The following SYN3 variants were observed in gnomAD, a reference collection of about 807,000 sequenced individuals.
SYN3 encodes the protein synapsin III.
In SYN3, 35 loss-of-function variants were observed where a neutral mutation model predicts 65.8. That is an observed-to-expected ratio of 0.53 (90% CI 0.41 to 0.70). The LOEUF (loss-of-function observed/expected upper bound fraction) is 0.70. Among genes scored for constraint, SYN3 ranks in the 30% least tolerant of loss-of-function variants. The pLI, the probability that SYN3 is intolerant of heterozygous loss-of-function variation, is 0.00. For missense variants in SYN3, 680 were observed against 749.0 expected (o/e 0.91, Z 1.08); for synonymous variants, 270 against 292.9 (o/e 0.92, Z 0.80).
At chr22:32,677,055 C>T (rs2060455821) in intron 6 of SYN3, among the ~76,000 whole-genome samples, 1 of 152,200 alleles carries the variant, frequency 6.6e-6, no homozygotes, top group East Asian at 1.9e-4. Context: ...TGCAATTAAA[C>T]TCAACACATA....
intron 10 of SYN3, among the ~76,000 whole-genome samples, chr22:32,532,771 C>G (rs2058098374): frequency 1.3e-5 from 2 of 152,196 alleles, no homozygotes; most frequent in Admixed American, 1.3e-4. Context: ...CAGCCATGTG[C>G]TTCCCATTAG....
chr22:32,747,881 G>A (rs563626588), intron 6 of SYN3, among the ~76,000 whole-genome samples: 58 of 152,340 alleles, frequency 3.8e-4, no homozygotes, highest in African/African-American at 1.4e-3. Flanking sequence ...GGCTTGGTCA[G>A]TACAGGTACA....
chr22:32,583,015 C>A (rs1019960749), intron 7 of SYN3, among the ~76,000 whole-genome samples: 1 of 152,188 alleles, frequency 6.6e-6, no homozygotes, highest in South Asian at 2.1e-4. Flanking sequence ...TCCAGCTTCA[C>A]CCCTGGAGGA....
chr22:32,925,713 C>T (rs367854748), intron 4 of SYN3, among the ~76,000 whole-genome samples: 37 of 152,184 alleles, frequency 2.4e-4, no homozygotes, highest in South Asian at 1.7e-3. Flanking sequence ...ACTAGAATCA[C>T]GAGGGGAGCT....
intron 7 of SYN3, among the ~76,000 whole-genome samples, chr22:32,550,364 TAAA>T (rs34370251): frequency 9.8e-4 from 141 of 144,568 alleles, no homozygotes; most frequent in African/African-American, 1.6e-3. Flanking sequence ...TTAACCACAT[TAAA>T]AAAAAAAAAA....
At chr22:32,569,563 C>CTGTATATATATATA (rs373627613) in intron 7 of SYN3, among the ~76,000 whole-genome samples, 1 of 52,880 alleles carries the variant, frequency 1.9e-5, no homozygotes, top group African/African-American at 5.8e-5. Flanking sequence ...CTCTCTCTCT[C>CTGTATATATATATA]TCTCTCTCTA....
chr22:32,523,296 A>G (rs1307334263), intron 12 of SYN3, among the ~76,000 whole-genome samples: 1 of 152,176 alleles, frequency 6.6e-6, no homozygotes, highest in Admixed American at 6.6e-5. Context: ...GCGGATCACA[A>G]GGTCAGCAGA....
intron 4 of SYN3, among the ~76,000 whole-genome samples, chr22:32,890,627 G>A (rs562679061): frequency 4.6e-5 from 7 of 151,636 alleles, no homozygotes; most frequent in South Asian, 4.2e-4. Context: ...TGATCTGCCC[G>A]CCTCGGCCTC....
chr22:32,869,689 GGTTTTTT>G (rs1382293534), intron 4 of SYN3, among the ~76,000 whole-genome samples: 1 of 118,448 alleles, frequency 8.4e-6, no homozygotes, highest in African/African-American at 3.3e-5. Context: ...AACACATCTT[GGTTTTTT>G]TTTTTTTTTT....
rs954085778 is a variant in SYN3, at chr22:32,967,121, G to A, written c.369+13524C>T. Among the ~76,000 whole-genome samples the A allele has an allele frequency of 3.3e-5, 5 of 152,188 alleles. 1 individual carries two copies. In the South Asian group the frequency reaches 8.3e-4, roughly 25 times the overall value. ...CTAATCCATATGAAATGCTTAGCGT[G>A]TGCCTGACACTTAGTAAGCATGTGA... is the stretch of plus-strand genomic sequence containing the variant. On this transcript the variant is annotated intron_variant, in intron 3 of 13. Coordinates refer to ENST00000358763, the MANE Select transcript of SYN3 (RefSeq NM_003490.4).
intron 1 of SYN3, among the ~76,000 whole-genome samples, chr22:33,036,678 CTTTTTTTTT>C (rs133977): frequency 2.0e-4 from 20 of 99,528 alleles, no homozygotes; most frequent in Admixed American, 5.6e-4. Flanking sequence ...AGCCCAAGTT[CTTTTTTTTT>C]TTTTTTTTTT....
chr22:32,999,871 G>A (rs1477631970), intron 2 of SYN3, among the ~76,000 whole-genome samples: 2 of 152,226 alleles, frequency 1.3e-5, no homozygotes, highest in Non-Finnish European at 2.9e-5. Flanking sequence ...AGTGAAACTG[G>A]TCAGATTTGT....
intron 1 of SYN3, among the ~76,000 whole-genome samples, chr22:33,007,653 G>C (rs1258025626): frequency 2.0e-5 from 3 of 152,200 alleles, no homozygotes; most frequent in Non-Finnish European, 4.4e-5. Context: ...CTGCAAACCA[G>C]GAGAGAGCCC....
At chr22:32,636,762 T>G (rs1359301945) in intron 6 of SYN3, among the ~76,000 whole-genome samples, 2 of 152,212 alleles carry the variant, frequency 1.3e-5, no homozygotes, top group South Asian at 4.1e-4. Context: ...TCAGGAGATT[T>G]GGACACAGGC....
intron 7 of SYN3, among the ~76,000 whole-genome samples, chr22:32,549,138 A>G (rs12166091): frequency 0.016 from 2,415 of 152,288 alleles, 42 homozygotes; most frequent in African/African-American, 0.054. Flanking sequence ...AGCTGCATCC[A>G]TGGTGCTCCA....
chr22:32,525,765 A>G (rs371685056), intron 12 of SYN3, among the ~76,000 whole-genome samples: 1 of 152,146 alleles, frequency 6.6e-6, no homozygotes, highest in East Asian at 1.9e-4. Context: ...AAGGATTTAG[A>G]ATATTACGTA....
rs1410960127 is a variant in SYN3 at position 32,837,388 on chromosome 22, C to T, written c.711+27527G>A. On this transcript the variant is annotated intron_variant, in intron 6 of 13. Transcript: ENST00000358763. This position sits in a 1 kb window ranked among gnomAD's most constrained non-coding sequence, Gnocchi z 4.1. ...GCAGTAAGCAAGTCGGCGCCTCTGA[C>T]CCCTGAGTGGGCTTGAGCTTTTGAG... Among the ~76,000 whole-genome samples, 1 of 145,734 alleles carries T rather than the reference C, an allele frequency of 6.9e-6. No individual in the cohort carries two copies. The highest frequency in any genetic ancestry group is 2.7e-5 in the African/African-American group (1 of 37,202).
At chr22:32,973,422 C>T (rs1036768229) in intron 3 of SYN3, among the ~76,000 whole-genome samples, 5 of 151,914 alleles carry the variant, frequency 3.3e-5, no homozygotes, top group Non-Finnish European at 1.5e-5. Context: ...TTTACCCCCG[C>T]CAAAAAAGAA....
chr22:32,792,920 A>G (rs1457914839), intron 6 of SYN3, among the ~76,000 whole-genome samples: 1 of 152,218 alleles, frequency 6.6e-6, no homozygotes, highest in Non-Finnish European at 1.5e-5. Flanking sequence ...TCTGAATCAC[A>G]GCTCTGCCAC....
Sources: allele counts gnomAD v4.1 joint callset (sites outside exome capture counted in the v4.1 genomes callset), GRCh38; gene constraint gnomAD v4.1.1; non-coding constraint Gnocchi (gnomAD v3.1); transcripts MANE v1.5; gene names NCBI Gene and HGNC (gene_info 2026-07-23, HGNC 2026-07-21).